STARD8: variants seen among roughly 807,000 people sequenced by gnomAD.
The protein encoded by STARD8 is StAR related lipid transfer domain containing 8, also known as stAR-related lipid transfer protein 8.
A neutral mutation model predicts 69.4 loss-of-function variants in STARD8; 25 were observed. The observed-to-expected ratio is 0.36, with a 90% CI of 0.26 to 0.50. STARD8 has a LOEUF of 0.50. Ranked by LOEUF, STARD8 falls within the 20% of genes least tolerant of loss-of-function variation. The pLI, the probability that STARD8 is intolerant of heterozygous loss-of-function variation, is 0.96. For missense variants in STARD8, 921 were observed against 932.5 expected (o/e 0.99, Z 0.16); for synonymous variants, 389 against 374.6 (o/e 1.04, Z -0.45).
At position 68,720,937 on chromosome X, in the gene STARD8, G is replaced by A. The variant is rs2080142553; in HGVS notation, c.2063G>A (p.Arg688His). The A allele has an allele frequency of 8.3e-7, 1 of 1,210,654 alleles. No homozygotes were observed. The highest frequency in any genetic ancestry group is 1.1e-6 in the Non-Finnish European group (1 of 895,049). Reference protein sequence around the residue: ...SQCLDQVGIFRKSGVKSRIQN... With the variant: ...SQCLDQVGIFHKSGVKSRIQN... Reference sequence around the variant, plus strand: ...TGCATGGAGTAGGTAGGCATCTTCCGCAAGTCTGGGGTCAAGTCCAGGATC... The same window carrying A: ...TGCATGGAGTAGGTAGGCATCTTCCACAAGTCTGGGGTCAAGTCCAGGATC... The change falls in exon 9 of 15, where the codon CGC becomes CAC. Residue 688 changes from arginine to histidine, a missense_variant. By Grantham distance (29) the Arg-to-His change is conservative. Coordinates refer to ENST00000374599, the MANE Select transcript of STARD8 (RefSeq NM_001142503.3).
At chrX:68,653,086 CACACACCACACACACCACACACACACA>C (rs2079571931) in intron 1 of STARD8, among the ~76,000 whole-genome samples, 1 of 11,099 alleles carries the variant, frequency 9.0e-5, no homozygotes, top group African/African-American at 4.7e-4. Context: ...CACACCACAC[CACACACCACACACACCACACACACACA>C]CCACACACCA....
chrX:68,661,878 T>TTTCCTTCCTTCCTTCCTTCC (rs748806413), intron 1 of STARD8, among the ~76,000 whole-genome samples: 43 of 64,157 alleles, frequency 6.7e-4, no homozygotes, highest in African/African-American at 2.0e-3. Flanking sequence ...CTTTCTTTCT[T>TTTCCTTCCTTCCTTCCTTCC]TTCCTTCCTT....
In STARD8 at chrX:68,718,545, C is replaced by T. The variant is rs147303458; in HGVS notation, c.1631C>T (p.Ala544Val). Residue 544 changes from alanine to valine, a missense_variant, in exon 6 of 15, where the codon GCG becomes GTG. By Grantham distance (64) the Ala-to-Val change is moderately conservative (BLOSUM62 0). Coordinates refer to ENST00000374599, the MANE Select transcript of STARD8 (RefSeq NM_001142503.3). ...AACTCCATGAATGAGGCTGAGGCTG[C>T]GGGGCCCCTGGCTGGACTCCAGGCA... The part of the protein sequence containing the change: ...SGNSMNEAEA[A>V]GPLAGLQASM... 2.4e-5 allele frequency: 29 copies of T among 1,210,769 alleles called. No individual in the cohort carries two copies. The East Asian group carries it at 5.6e-4, about 24-fold the overall frequency.
chrX:68,696,136 C>T (rs1024406265), intron 2 of STARD8, among the ~76,000 whole-genome samples: 5 of 112,655 alleles, frequency 4.4e-5, no homozygotes, highest in African/African-American at 9.7e-5. Context: ...TGTCATGGCC[C>T]TGGGCCTTGG....
chrX:68,725,060 T>C lies in STARD8; in HGVS notation c.*638T>C, dbSNP rs2080188265. On this transcript the variant is annotated 3_prime_UTR_variant, in exon 15 of 15. Coordinates refer to ENST00000374599, the MANE Select transcript of STARD8 (RefSeq NM_001142503.3). ...ACTGACGGGCCCCTAATATGTGACA[T>C]GACGATTTGGCATAGATAGGGATGT... is the stretch of plus-strand genomic sequence containing the variant. The C allele has an allele frequency of 2.7e-5, 3 of 111,301 alleles. No homozygotes were observed. The highest frequency in any genetic ancestry group is 9.8e-5 in the African/African-American group (3 of 30,585). 9.2% of individuals were successfully genotyped at this position (111,301 alleles called of 1,213,427 possible). A position where few individuals can be genotyped will look rare whatever the true frequency, so the allele number is the denominator to read the frequency against.
chrX:68,719,708 A>C (rs1264877478), intron 7 of STARD8, among the ~76,000 whole-genome samples: 1 of 112,099 alleles, frequency 8.9e-6, no homozygotes, highest in East Asian at 2.8e-4. Flanking sequence ...ATTCCCTCCC[A>C]CCATGACTCC....
intron 2 of STARD8, among the ~76,000 whole-genome samples, chrX:68,666,260 T>C (rs1656512723): frequency 1.8e-5 from 2 of 112,226 alleles, no homozygotes. Context: ...ACTCCTGGTA[T>C]CAGCTGGGCT....
Position 68,690,171 on chromosome X carries a change from CTGTG to C in STARD8, c.80-22738_80-22735del, listed in dbSNP as rs1291181180. On this transcript the variant is annotated intron_variant, in intron 2 of 14. Coordinates refer to ENST00000374599, the MANE Select transcript of STARD8 (RefSeq NM_001142503.3). ...GGAATGTGCGTACAAGTGTCAGAGC[CTGTG>C]TGTGAGGCCACCGGTACTCATGTAC... 3.6e-5 allele frequency among the ~76,000 whole-genome samples: 4 copies of C among 110,150 alleles called. No homozygotes were observed. In the Admixed American group the frequency reaches 3.9e-4, roughly 11 times the overall value.
intron 5 of STARD8, among the ~76,000 whole-genome samples, chrX:68,716,689 A>C (rs1209988107): frequency 9.0e-6 from 1 of 111,144 alleles, no homozygotes; most frequent in Non-Finnish European, 1.9e-5. Context: ...AAGTGACCAA[A>C]GCCCTGGGCT....
intron 2 of STARD8, among the ~76,000 whole-genome samples, chrX:68,678,201 G>A (rs957245505): frequency 9.0e-6 from 1 of 111,484 alleles, no homozygotes; most frequent in South Asian, 3.8e-4. Flanking sequence ...GCCAGAGAAG[G>A]GAGGATCAAT....
rs139380533 is a variant in STARD8, at chrX:68,717,716, G to A, written c.802G>A (p.Gly268Ser). ...RAKNWAATSA[G>S]GSGANTRKAW... ...CAAGAACTGGGCCGCCACCTCAGCC[G>A]GTGGCAGTGGTGCCAATACTCGGAA... The change falls in exon 6 of 15, where the codon GGT (glycine) becomes AGT (serine). Residue 268 changes from glycine to serine, a missense_variant. Physicochemically the swap from Gly to Ser is moderately conservative, Grantham distance 56. Coordinates refer to ENST00000374599, the MANE Select transcript of STARD8 (RefSeq NM_001142503.3). The A allele has an allele frequency of 5.1e-4, 621 of 1,210,859 alleles. No homozygotes were observed. Among genetic ancestry groups the A allele is most frequent in the Non-Finnish European group, 6.3e-4 (563 of 895,342 alleles).
At chrX:68,673,543 AAAC>A (rs746104369) in intron 2 of STARD8, among the ~76,000 whole-genome samples, 1 of 111,872 alleles carries the variant, frequency 8.9e-6, no homozygotes, top group Non-Finnish European at 1.9e-5. Context: ...CTTTTACCAA[AAAC>A]AACAACAACA....
Position 68,671,972 on chromosome X carries a change from C to T in STARD8, c.79+6440C>T, listed in dbSNP as rs375984319. ...CATTTCATTTGGAGACTGGAGTTGG[C>T]GGCATTAAAGTTTCATTTGGAGACT... On this transcript the variant is annotated intron_variant, in intron 2 of 14. Coordinates refer to ENST00000374599, the MANE Select transcript of STARD8 (RefSeq NM_001142503.3). Among the ~76,000 whole-genome samples the T allele has an allele frequency of 9.0e-5, 10 of 111,558 alleles. No homozygotes were observed. The East Asian group carries it at 2.0e-3, about 22-fold the overall frequency.
In STARD8 at chrX:68,647,918, G is replaced by T; in HGVS notation, c.36G>T (p.Arg12Ser). 8.3e-7 allele frequency: 1 copy of T among 1,199,848 alleles called. No homozygotes were observed. The highest frequency in any genetic ancestry group is 1.1e-6 in the Non-Finnish European group (1 of 889,493). Residue 12 changes from arginine to serine, a missense_variant, in exon 1 of 15, where the codon AGG becomes AGT. By Grantham distance (110) the Arg-to-Ser change is moderately radical. Transcript: ENST00000374599. ...TGGACGTTTTCTGGTCTTGCTTCAG[G>T]AAGGTGAAGGTAAGTGACTGGCCAG... Reference protein sequence around the residue: ...PLLDVFWSCFRKVKCFPLLQV... With the variant: ...PLLDVFWSCFSKVKCFPLLQV...
chrX:68,725,159 CT>C lies in STARD8; in HGVS notation c.*740del, dbSNP rs1300764065. The C allele has an allele frequency of 9.0e-6, 1 of 111,180 alleles. No individual in the cohort carries two copies. Among genetic ancestry groups the C allele is most frequent in the African/African-American group, 3.3e-5 (1 of 30,540 alleles). 9.2% of individuals were successfully genotyped at this position (111,180 alleles called of 1,213,427 possible). A position where few individuals can be genotyped will look rare whatever the true frequency, so the allele number is the denominator to read the frequency against. On this transcript the variant is annotated 3_prime_UTR_variant, in exon 15 of 15. Coordinates refer to ENST00000374599, the MANE Select transcript of STARD8 (RefSeq NM_001142503.3). ...AGTATTCCCTGACTTGGGTTTCACA[CT>C]TTATCGACCACCCCATGGGGTCCTG...
intron 2 of STARD8, among the ~76,000 whole-genome samples, chrX:68,679,692 T>TCCA (rs1487458857): frequency 8.9e-6 from 1 of 112,169 alleles, no homozygotes; most frequent in Non-Finnish European, 1.9e-5. Context: ...CAAAGCCCTA[T>TCCA]CCACATGGGG....
At chrX:68,650,958 A>C (rs867936894) in intron 1 of STARD8, among the ~76,000 whole-genome samples, 2 of 112,739 alleles carry the variant, frequency 1.8e-5, no homozygotes, top group Non-Finnish European at 3.7e-5. Context: ...ATTTGTGCAT[A>C]TTCAACCCCA....
At chrX:68,688,810 C>A (rs1192992176) in intron 2 of STARD8, among the ~76,000 whole-genome samples, 2 of 100,927 alleles carry the variant, frequency 2.0e-5, no homozygotes, top group African/African-American at 7.2e-5. Context: ...GCCCCAGGTA[C>A]CCCCCATCCT....
chrX:68,723,926 C>T lies in STARD8; in HGVS notation c.3018-19C>T, dbSNP rs772855200. The T allele has an allele frequency of 2.8e-5, 34 of 1,209,045 alleles. No homozygotes were observed. Among genetic ancestry groups the T allele is most frequent in the Middle Eastern group, 2.3e-4 (1 of 4,359 alleles). On this transcript the variant is annotated intron_variant, in intron 13 of 14. Coordinates refer to ENST00000374599, the MANE Select transcript of STARD8 (RefSeq NM_001142503.3). ...AACCAGCACTAGGAATCTGAGCCTACGTGTCCCTTCTCCAATAGGATGTGG... is the reference window on the plus strand; with the variant it reads ...AACCAGCACTAGGAATCTGAGCCTATGTGTCCCTTCTCCAATAGGATGTGG...
Sources: allele counts gnomAD v4.1 joint callset (sites outside exome capture counted in the v4.1 genomes callset), GRCh38; gene constraint gnomAD v4.1.1; transcripts MANE v1.5; gene names NCBI Gene and HGNC (gene_info 2026-07-23, HGNC 2026-07-21).